Variants in TAFA1 observed in about 807,000 individuals in gnomAD.
TAFA1 encodes TAFA chemokine like family member 1.
In TAFA1, 4 loss-of-function variants were observed where a neutral mutation model predicts 18.5. The ratio of observed to expected loss-of-function variants is 0.22; its 90% CI spans 0.11 to 0.49. TAFA1 has a LOEUF of 0.49. TAFA1 is among the 20% of genes least tolerant of loss of function. The pLI, the probability that TAFA1 is intolerant of heterozygous loss-of-function variation, is 0.98. For missense variants in TAFA1, 147 were observed against 169.0 expected (o/e 0.87, Z 0.72); for synonymous variants, 56 against 55.2 (o/e 1.01, Z -0.06).
At chr3:68,080,952 A>G (rs1003054331) in intron 2 of TAFA1, among the ~76,000 whole-genome samples, 3 of 152,094 alleles carry the variant, frequency 2.0e-5, no homozygotes, top group African/African-American at 7.2e-5. Flanking sequence ...AGGTACACCA[A>G]TCAGACGTAG....
chr3:68,100,377 G>A (rs2065134169), intron 2 of TAFA1, among the ~76,000 whole-genome samples: 1 of 152,054 alleles, frequency 6.6e-6, no homozygotes, highest in Non-Finnish European at 1.5e-5. Context: ...CTGGCTACTT[G>A]GGAGGCTGAG....
At chr3:68,144,691 G>A (rs2065714942) in intron 2 of TAFA1, among the ~76,000 whole-genome samples, 1 of 152,134 alleles carries the variant, frequency 6.6e-6, no homozygotes. Flanking sequence ...CTCTTCAAAT[G>A]TGATCCCTGG....
chr3:68,042,100 T>C (rs571704765), intron 2 of TAFA1, among the ~76,000 whole-genome samples: 1 of 152,318 alleles, frequency 6.6e-6, no homozygotes, highest in Non-Finnish European at 1.5e-5. Flanking sequence ...GCCTTCTTTT[T>C]CTCATGACTG....
chr3:68,135,038 A>C (rs915775544), intron 2 of TAFA1, among the ~76,000 whole-genome samples: 4 of 152,034 alleles, frequency 2.6e-5, no homozygotes, highest in African/African-American at 9.7e-5. Flanking sequence ...ATTATGACTT[A>C]TTGCTCATTT....
intron 3 of TAFA1, among the ~76,000 whole-genome samples, chr3:68,521,481 G>A (rs960441419): frequency 1.5e-4 from 23 of 152,154 alleles, no homozygotes; most frequent in African/African-American, 1.4e-4. Flanking sequence ...CTGGCCTCAC[G>A]AAGCGTACAG....
At position 68,190,747 on chromosome 3, in the gene TAFA1, T is replaced by G. The variant is rs2107012096; in HGVS notation, c.118+184003T>G. On this transcript the variant is annotated intron_variant, in intron 2 of 4. Transcript: ENST00000478136. ...AGAACAGAATAGGAAATACACCATG[T>G]GGGCTGTTAAGTTTTTTTTCTTAAA... 3.3e-5 allele frequency among the ~76,000 whole-genome samples: 5 copies of G among 151,984 alleles called. No individual in the cohort carries two copies. In the South Asian group the frequency reaches 1.0e-3, roughly 31 times the overall value.
chr3:68,413,361 T>C (rs1207902816), intron 2 of TAFA1, among the ~76,000 whole-genome samples: 2 of 152,196 alleles, frequency 1.3e-5, no homozygotes, highest in Non-Finnish European at 2.9e-5. Flanking sequence ...ACTCTTGGTC[T>C]CATTTGCTTC....
At chr3:68,002,017 CTTA>C (rs2106761003), upstream of TAFA1, among the ~76,000 whole-genome samples, 1 of 152,258 alleles carries the variant, frequency 6.6e-6, no homozygotes, top group African/African-American at 2.4e-5. Flanking sequence ...CTGGCTGAAC[CTTA>C]TGGCATACCC....
intron 3 of TAFA1, among the ~76,000 whole-genome samples, chr3:68,426,703 G>T (rs1559664809): frequency 1.3e-5 from 2 of 151,752 alleles, no homozygotes; most frequent in East Asian, 1.9e-4. Context: ...TTCTCTATGG[G>T]GTTCACCAAC....
intron 2 of TAFA1, among the ~76,000 whole-genome samples, chr3:68,120,193 CTTTCTTTCT>C: frequency 1.7e-5 from 1 of 58,822 alleles, no homozygotes; most frequent in Non-Finnish European, 3.4e-5. Context: ...TTCTTTCTTT[CTTTCTTTCT>C]TTCTTTCTTT....
chr3:68,082,425 T>C (rs983861013), intron 2 of TAFA1, among the ~76,000 whole-genome samples: 1 of 152,232 alleles, frequency 6.6e-6, no homozygotes, highest in Non-Finnish European at 1.5e-5. Flanking sequence ...CACATCAACA[T>C]AGGGTTATAA....
intron 2 of TAFA1, among the ~76,000 whole-genome samples, chr3:68,238,448 A>G (rs891228669): frequency 6.6e-6 from 1 of 152,224 alleles, no homozygotes; most frequent in Admixed American, 6.5e-5. Context: ...TGGAAGAAGC[A>G]GTTTACAGGT....
chr3:68,425,791 C>T (rs1381491382), intron 3 of TAFA1, among the ~76,000 whole-genome samples: 1 of 151,840 alleles, frequency 6.6e-6, no homozygotes, highest in African/African-American at 2.4e-5. Flanking sequence ...CAGCAGTTGC[C>T]AGTTTCCAGC....
intron 2 of TAFA1, among the ~76,000 whole-genome samples, chr3:68,057,106 C>A (rs929444603): frequency 3.3e-5 from 5 of 152,162 alleles, no homozygotes; most frequent in Non-Finnish European, 5.9e-5. Context: ...TTTGATTTCC[C>A]CAGTGAGGGC....
chr3:68,034,980 T>C (rs1438384532), intron 2 of TAFA1, among the ~76,000 whole-genome samples: 1 of 152,204 alleles, frequency 6.6e-6, no homozygotes. Context: ...AATTTCCACC[T>C]GAAGATCCTG....
intron 2 of TAFA1, among the ~76,000 whole-genome samples, chr3:68,269,595 A>G (rs1216388019): frequency 2.0e-5 from 3 of 152,164 alleles, no homozygotes; most frequent in Non-Finnish European, 4.4e-5. Context: ...AAGTTTCAAG[A>G]CAATGGTCCA....
rs184530517 is a variant in TAFA1, at chr3:68,078,924, G to C, written c.118+72180G>C. Among the ~76,000 whole-genome samples, 5 of 152,212 alleles carry C rather than the reference G, an allele frequency of 3.3e-5. No homozygotes were observed. The East Asian group carries it at 5.8e-4, about 18-fold the overall frequency. On this transcript the variant is annotated intron_variant, in intron 2 of 4. Transcript: ENST00000478136. ...CTTGTACCTCTGGTAGAATTCGGCT[G>C]TGAATCCATCTGGTCCTGTACTCTT...
chr3:68,087,229 G>A lies in TAFA1; in HGVS notation c.118+80485G>A, dbSNP rs570238229. ...CAGTAGAAATCCTTTTGAGACAATA[G>A]TTGAAAATGCTGGGAAATAGATGTT... On this transcript the variant is annotated intron_variant, in intron 2 of 4. Transcript: ENST00000478136. Among the ~76,000 whole-genome samples the A allele has an allele frequency of 2.0e-5, 3 of 152,254 alleles. No homozygotes were observed. In the East Asian group the frequency reaches 5.8e-4, roughly 29 times the overall value.
intron 2 of TAFA1, among the ~76,000 whole-genome samples, chr3:68,042,310 T>C (rs1476160615): frequency 6.6e-6 from 1 of 152,248 alleles, no homozygotes; most frequent in Non-Finnish European, 1.5e-5. Context: ...CCTTGTGCAT[T>C]ATATCTAGCA....
Sources: allele counts gnomAD v4.1 joint callset (sites outside exome capture counted in the v4.1 genomes callset), GRCh38; gene constraint gnomAD v4.1.1; transcripts MANE v1.5; gene names NCBI Gene and HGNC (gene_info 2026-07-23, HGNC 2026-07-21).